The following CCNJL variants were observed in gnomAD, a reference collection of about 807,000 sequenced individuals.
CCNJL encodes cyclin J like.
CCNJL carries 33 observed loss-of-function variants against 33.4 expected under a neutral mutation model. The ratio of observed to expected loss-of-function variants is 0.99; its 90% CI spans 0.75 to 1.32. The LOEUF (loss-of-function observed/expected upper bound fraction) is 1.32, where lower values mean the gene tolerates loss of function less well. Ranked by LOEUF, CCNJL falls within the 40% of genes most tolerant of loss-of-function variation. CCNJL has a pLI of 0.00. For missense variants in CCNJL, 512 were observed against 499.7 expected (o/e 1.02, Z -0.23); for synonymous variants, 227 against 220.9 (o/e 1.03, Z -0.24).
At chr5:160,282,928 G>A (rs114567320) in intron 2 of CCNJL, among the ~76,000 whole-genome samples, 1,747 of 129,426 alleles carry the variant, frequency 0.013, 34 homozygotes, top group African/African-American at 0.046. Context: ...AATGTTAAAC[G>A]TAGGGTTCTT....
intron 2 of CCNJL, among the ~76,000 whole-genome samples, chr5:160,289,509 A>ACGTG: frequency 6.6e-6 from 1 of 152,172 alleles, no homozygotes; most frequent in Non-Finnish European, 1.5e-5. Flanking sequence ...CCCCACTGTG[A>ACGTG]CGTGTGAGCC....
chr5:160,293,571 G>A (rs77342891), intron 2 of CCNJL, among the ~76,000 whole-genome samples: 6 of 152,248 alleles, frequency 3.9e-5, no homozygotes, highest in African/African-American at 1.4e-4. Flanking sequence ...GTCGGCATGC[G>A]CATGTCCGGT....
rs765517663 is a variant in CCNJL at position 160,280,670 on chromosome 5, G to A, written c.135C>T (p.Ile45=). The A allele has an allele frequency of 1.9e-5, 30 of 1,613,538 alleles. No individual in the cohort carries two copies. Among genetic ancestry groups the A allele is most frequent in the Non-Finnish European group, 2.5e-5 (29 of 1,179,924 alleles). The change falls in exon 3 of 6, where the codon ATC becomes ATT. Residue 45 remains isoleucine, a synonymous_variant. Transcript: ENST00000257536. ...GGCAGTGGCTGCTCAGCAGGGTCAG[G>A]ATGTCCACGAAGAACCGGCGGCTCT... ...LLKSRRFFVD[I]LTLLSSHCQL...
chr5:160,259,390 C>G, intron 4 of CCNJL, 79 bp downstream of exon 4: 1 of 1,329,156 alleles, frequency 7.5e-7, no homozygotes, highest in Non-Finnish European at 1.0e-6. Flanking sequence ...GATGGACATG[C>G]CTTTTAGAGC....
At chr5:160,328,925 GC>G (rs1763572649) in intron 1 of CCNJL, among the ~76,000 whole-genome samples, 1 of 151,954 alleles carries the variant, frequency 6.6e-6, no homozygotes, top group Non-Finnish European at 1.5e-5. Flanking sequence ...AACACACTAG[GC>G]CCTACTATAT....
intron 1 of CCNJL, among the ~76,000 whole-genome samples, chr5:160,323,304 A>G (rs1282786466): frequency 1.3e-5 from 2 of 151,780 alleles, no homozygotes; most frequent in Non-Finnish European, 2.9e-5. Context: ...TATGTTGCCC[A>G]AGCTGGTCTT....
intron 2 of CCNJL, among the ~76,000 whole-genome samples, chr5:160,281,614 C>T (rs79231642): frequency 1.5e-3 from 231 of 152,126 alleles, no homozygotes; most frequent in African/African-American, 5.1e-3. Flanking sequence ...TCATATTTAC[C>T]GTTCAATCAA....
intron 2 of CCNJL, among the ~76,000 whole-genome samples, chr5:160,306,313 T>A (rs1763096917): frequency 1.4e-5 from 2 of 146,264 alleles, no homozygotes; most frequent in Non-Finnish European, 3.0e-5. Flanking sequence ...AGAGCTGAAG[T>A]CCTCTGAGTG....
intron 1 of CCNJL, among the ~76,000 whole-genome samples, chr5:160,330,726 C>CA (rs1763596634): frequency 6.6e-6 from 1 of 151,332 alleles, no homozygotes; most frequent in Non-Finnish European, 1.5e-5. Context: ...TGCAGTGGTG[C>CA]GGTCTCGGCT....
chr5:160,334,293 T>G (rs1763655902), intron 1 of CCNJL, among the ~76,000 whole-genome samples: 1 of 152,202 alleles, frequency 6.6e-6, no homozygotes, highest in Admixed American at 6.5e-5. Context: ...CTAGGCTGCC[T>G]ACTCTCGATT....
chr5:160,284,842 T>A (rs1663773838), intron 2 of CCNJL, among the ~76,000 whole-genome samples: 1 of 152,264 alleles, frequency 6.6e-6, no homozygotes, highest in African/African-American at 2.4e-5. Context: ...AGATCTTAAT[T>A]AGAAGACTTT....
At chr5:160,273,128 A>T (rs940759838) in intron 3 of CCNJL, among the ~76,000 whole-genome samples, 1 of 152,230 alleles carries the variant, frequency 6.6e-6, no homozygotes, top group African/African-American at 2.4e-5. Context: ...CATGTCAGTT[A>T]TGCTCTATAA....
upstream of CCNJL, among the ~76,000 whole-genome samples, chr5:160,313,279 G>C (rs1276397764): frequency 6.6e-6 from 1 of 152,194 alleles, no homozygotes; most frequent in Admixed American, 6.5e-5. Context: ...CTTCTTGGCT[G>C]ATTGATTTTT....
intron 5 of CCNJL, 142 bp from the exon 6 acceptor site, chr5:160,253,940 T>A (rs1265792041): frequency 1.7e-6 from 1 of 585,292 alleles, no homozygotes; most frequent in African/African-American, 1.9e-5. Context: ...GTGCTCACTG[T>A]GTGTGGCACC....
rs1044245779 is a variant in CCNJL, at chr5:160,312,063, C to A, written c.-49-91G>T. 1.6e-5 allele frequency: 13 copies of A among 819,898 alleles called. No individual in the cohort carries two copies. The African/African-American group carries it at 2.0e-4, about 13-fold the overall frequency. 50.8% of individuals were successfully genotyped at this position (819,898 alleles called of 1,614,324 possible). Reference sequence around the variant, plus strand: ...TCCTCTCTCGCCCCTGGCCCCGGGCCCCGGCGGGCGCCCCCTCCTGCGCCG... The same window carrying A: ...TCCTCTCTCGCCCCTGGCCCCGGGCACCGGCGGGCGCCCCCTCCTGCGCCG... On this transcript the variant is annotated intron_variant, in intron 1 of 5. Coordinates refer to ENST00000257536, the MANE Select transcript of CCNJL (RefSeq NM_001308173.3).
chr5:160,255,408 G>A (rs988147543), intron 5 of CCNJL, 141 bp downstream of exon 5: 1 of 681,546 alleles, frequency 1.5e-6, no homozygotes, highest in Non-Finnish European at 2.5e-6. Context: ...GAGTCACCAT[G>A]GCCCACTTTC....
chr5:160,281,908 G>A (rs1762228212), intron 2 of CCNJL, among the ~76,000 whole-genome samples: 2 of 152,158 alleles, frequency 1.3e-5, no homozygotes, highest in South Asian at 4.1e-4. Context: ...TTCCCACCTT[G>A]GCCTCCTAAA....
intron 1 of CCNJL, among the ~76,000 whole-genome samples, chr5:160,329,381 C>T (rs1189841933): frequency 3.4e-5 from 5 of 146,882 alleles, no homozygotes; most frequent in African/African-American, 1.3e-4. Context: ...GACAGAGTCT[C>T]GCTCTGTTGC....
intron 1 of CCNJL, among the ~76,000 whole-genome samples, chr5:160,327,480 A>G (rs1763552069): frequency 6.6e-6 from 1 of 152,216 alleles, no homozygotes; most frequent in Non-Finnish European, 1.5e-5. Flanking sequence ...CATAGGGGAA[A>G]GCTTTGACTC....
Sources: gnomAD v4.1 joint callset for allele counts (sites outside exome capture counted in the v4.1 genomes callset) on GRCh38, gnomAD v4.1.1 for gene constraint, MANE v1.5 for transcripts, NCBI Gene and HGNC (gene_info 2026-07-23, HGNC 2026-07-21) for gene names.